The following HDAC9 variants were observed in gnomAD, a reference collection of about 807,000 sequenced individuals.
HDAC9 encodes histone deacetylase 9, also known as MEF-2 interacting transcription repressor (MITR) protein.
A neutral mutation model predicts 139.4 loss-of-function variants in HDAC9; 41 were observed. The ratio of observed to expected loss-of-function variants is 0.29; its 90% confidence interval spans 0.23 to 0.38. HDAC9 has a LOEUF of 0.38. Ranked by LOEUF, HDAC9 falls within the 10% of genes least tolerant of loss-of-function variation. HDAC9 has a pLI of 1.00. For synonymous variants in HDAC9, 517 were observed against 476.2 expected, an observed-to-expected ratio of 1.09 and a Z score of -1.12; for missense variants, 1,147 against 1,297.0, an observed-to-expected ratio of 0.88 and a Z score of 1.78.
chr7:18,373,378 A>G (rs1300145579), intron 1 of HDAC9, among the ~76,000 whole-genome samples: 1 of 152,160 alleles, frequency 6.6e-6, no homozygotes, highest in Non-Finnish European at 1.5e-5. Context: ...AAAAAAAAGG[A>G]TAGCTTAAGT....
intron 1 of HDAC9, among the ~76,000 whole-genome samples, chr7:18,327,026 G>C (rs1401803243): frequency 6.6e-6 from 1 of 151,780 alleles, no homozygotes; most frequent in Non-Finnish European, 1.5e-5. Context: ...TATAGTTCCT[G>C]TCTGCTGATG....
intron 22 of HDAC9, among the ~76,000 whole-genome samples, chr7:18,888,341 C>G (rs1285347382): frequency 6.6e-6 from 1 of 152,148 alleles, no homozygotes; most frequent in Non-Finnish European, 1.5e-5. Context: ...AGGAAAATGG[C>G]GTGAACCCGG....
intron 2 of HDAC9, among the ~76,000 whole-genome samples, chr7:18,541,712 A>C (rs1813030470): frequency 1.3e-5 from 2 of 152,172 alleles, no homozygotes; most frequent in Admixed American, 1.3e-4. Context: ...CTCTAAATGA[A>C]TTATGTGTTT....
At chr7:18,115,279 C>A (rs1310890535) in intron 1 of HDAC9, among the ~76,000 whole-genome samples, 1 of 132,830 alleles carries the variant, frequency 7.5e-6, no homozygotes, top group Non-Finnish European at 1.6e-5. Flanking sequence ...GGTGACAGAG[C>A]GAGACTCTGT....
intron 2 of HDAC9, among the ~76,000 whole-genome samples, chr7:18,582,615 G>A (rs963806764): frequency 5.3e-5 from 8 of 151,852 alleles, no homozygotes; most frequent in Admixed American, 2.6e-4. Flanking sequence ...TAATGAATGC[G>A]TAGCTTTTCT....
intron 8 of HDAC9, among the ~76,000 whole-genome samples, chr7:18,641,175 G>A (rs193147599): frequency 6.6e-6 from 1 of 152,100 alleles, no homozygotes; most frequent in Non-Finnish European, 1.5e-5. Flanking sequence ...CTATTGAGAG[G>A]CATAATGTTC....
At chr7:18,511,015 C>G (rs1801340316) in intron 2 of HDAC9, among the ~76,000 whole-genome samples, 1 of 152,038 alleles carries the variant, frequency 6.6e-6, no homozygotes, top group South Asian at 2.1e-4. Context: ...GATAATAAAA[C>G]CGAATTTTAC....
At chr7:18,266,449 CT>C (rs1351001707) in intron 2 of HDAC9, among the ~76,000 whole-genome samples, 2 of 152,090 alleles carry the variant, frequency 1.3e-5, no homozygotes, top group East Asian at 3.9e-4. Flanking sequence ...GCTAGTTTGG[CT>C]TGCAACTCAA....
chr7:18,768,820 A>G lies in HDAC9; in HGVS notation c.2214+1665A>G, dbSNP rs1033891175. Among the ~76,000 whole-genome samples the G allele has an allele frequency of 2.0e-5, 3 of 152,288 alleles. No individual in the cohort carries two copies. The South Asian group carries it at 6.2e-4, about 32-fold the overall frequency. ...TGATTTTTTGATTTTATGATGGTGC[A>G]AAAGTGTTATACATTCAGTAGAAAC... On this transcript the variant is annotated intron_variant, in intron 16 of 25. Transcript: ENST00000686413.
At chr7:18,373,860 G>A (rs1355154768) in intron 1 of HDAC9, among the ~76,000 whole-genome samples, 3 of 152,004 alleles carry the variant, frequency 2.0e-5, no homozygotes, top group Non-Finnish European at 4.4e-5. Flanking sequence ...TTATACTTGT[G>A]ACTCCAGTTT....
At chr7:18,837,876 C>T (rs1796339604) in intron 21 of HDAC9, among the ~76,000 whole-genome samples, 1 of 152,074 alleles carries the variant, frequency 6.6e-6, no homozygotes, top group Non-Finnish European at 1.5e-5. Context: ...TGACGATTCT[C>T]AGAATGGCGC....
chr7:18,199,211 T>A (rs1790930464), intron 2 of HDAC9, among the ~76,000 whole-genome samples: 1 of 152,178 alleles, frequency 6.6e-6, no homozygotes. Context: ...TCAGATACAA[T>A]TCTTCTATCT....
chr7:18,221,803 C>CA (rs1792726432), intron 2 of HDAC9, among the ~76,000 whole-genome samples: 1 of 152,056 alleles, frequency 6.6e-6, no homozygotes, highest in Non-Finnish European at 1.5e-5. Flanking sequence ...AATATCTAGT[C>CA]ACAGGGCTGT....
intron 2 of HDAC9, among the ~76,000 whole-genome samples, chr7:18,232,990 C>CAATTAA (rs1287749910): frequency 1.3e-5 from 2 of 152,108 alleles, no homozygotes; most frequent in African/African-American, 4.8e-5. Context: ...CTAGGAGACT[C>CAATTAA]AATTAAACTA....
intron 17 of HDAC9, among the ~76,000 whole-genome samples, chr7:18,797,974 A>ATG (rs1792955646): frequency 6.6e-6 from 1 of 152,076 alleles, no homozygotes; most frequent in African/African-American, 2.4e-5. Flanking sequence ...GTGGAGATAT[A>ATG]TATATATATA....
chr7:18,156,956 C>T (rs1190715288), intron 1 of HDAC9, among the ~76,000 whole-genome samples: 3 of 152,138 alleles, frequency 2.0e-5, no homozygotes, highest in Non-Finnish European at 4.4e-5. Context: ...GGCGTGGTGG[C>T]ACACGCCTGT....
At chr7:18,658,595 A>G (rs147697838) in intron 11 of HDAC9, among the ~76,000 whole-genome samples, 71 of 152,202 alleles carry the variant, frequency 4.7e-4, no homozygotes, top group African/African-American at 1.6e-3. Flanking sequence ...TATTTAGAAA[A>G]TCTTTCTTCT....
intron 22 of HDAC9, among the ~76,000 whole-genome samples, chr7:18,912,151 A>G (rs948707773): frequency 3.9e-5 from 6 of 152,004 alleles, no homozygotes; most frequent in Non-Finnish European, 8.8e-5. Flanking sequence ...TATTTGCTTT[A>G]CGTATCTGGG....
At position 18,320,708 on chromosome 7, in the gene HDAC9, A is replaced by T. The variant is rs1479329124; in HGVS notation, c.-42+30193A>T. Among the ~76,000 whole-genome samples, 4 of 152,120 alleles carry T rather than the reference A, an allele frequency of 2.6e-5. No individual in the cohort carries two copies. In the South Asian group the frequency reaches 8.3e-4, roughly 32 times the overall value. On this transcript the variant is annotated intron_variant, in intron 1 of 3. Transcript: ENST00000413509. Reference sequence around the variant, plus strand: ...AATTATGTCCTTTAGTGAATTTCTGAGTGAGCAGATAAGTCTGACATTTCC... The same window carrying T: ...AATTATGTCCTTTAGTGAATTTCTGTGTGAGCAGATAAGTCTGACATTTCC...
Sources: gnomAD v4.1 joint callset for allele counts (sites outside exome capture counted in the v4.1 genomes callset) on GRCh38, gnomAD v4.1.1 for gene constraint, MANE v1.5 for transcripts, NCBI Gene and HGNC (gene_info 2026-07-23, HGNC 2026-07-21) for gene names.